AGT: variants seen among roughly 807,000 people sequenced by gnomAD.
AGT encodes angiotensinogen.
Under a neutral mutation model 28.1 loss-of-function variants are expected in AGT, and 26 were observed. The ratio of observed to expected loss-of-function variants is 0.92; its 90% confidence interval spans 0.68 to 1.28. The LOEUF is 1.28. AGT is among the 50% of genes most tolerant of loss of function. The probability of loss-of-function intolerance (pLI) is 0.00; values close to 1 mark genes in which losing one functional copy is unlikely to be tolerated. For missense variants in AGT, 596 were observed against 592.3 expected (o/e 1.01, Z -0.06); for synonymous variants, 259 against 259.6 (o/e 1.00, Z 0.02).
intron 1 of AGT, among the ~76,000 whole-genome samples, chr1:230,724,527 A>G (rs1018461880): frequency 6.6e-6 from 1 of 152,204 alleles, no homozygotes; most frequent in East Asian, 1.9e-4. Flanking sequence ...AAAACTGATT[A>G]AAAAGAATAT....
At chr1:230,717,738 T>G (rs181081751), upstream of AGT, among the ~76,000 whole-genome samples, 3 of 152,200 alleles carry the variant, frequency 2.0e-5, no homozygotes, top group African/African-American at 7.2e-5. Flanking sequence ...TTCCCAGCAT[T>G]TCTGGTCCTC....
intron 1 of AGT, among the ~76,000 whole-genome samples, chr1:230,713,849 G>A (rs1296028100): frequency 2.6e-5 from 4 of 152,274 alleles, no homozygotes; most frequent in African/African-American, 7.2e-5. Flanking sequence ...TTTTCTCAGC[G>A]GAAGCAGGAA....
Position 230,710,734 on chromosome 1 carries a change from G to A in AGT, c.90C>T (p.His30=), listed in dbSNP as rs376189338. 1.9e-6 allele frequency: 3 copies of A among 1,614,060 alleles called. No individual in the cohort carries two copies. The highest frequency in any genetic ancestry group is 3.3e-5 in the Admixed American group (2 of 60,006). Residue 30 remains histidine, a synonymous_variant, in exon 2 of 5, where the codon CAC becomes CAT. Transcript: ENST00000366667. ...GLAAGDRVYI[H]PFHLVIHNES... The stretch of plus-strand genomic sequence containing the variant: ...CATTGTGGATGACGAGGTGGAAGGG[G>A]TGTATGTACACCCGGTCACCTGCAG...
Position 230,706,201 on chromosome 1 carries a change from C to T in AGT, c.830-1G>A. 1 of 1,613,196 alleles carries T rather than the reference C, an allele frequency of 6.2e-7. No homozygotes were observed. Among genetic ancestry groups the T allele is most frequent in the East Asian group, 2.2e-5 (1 of 44,856 alleles). On this transcript the variant is annotated splice_acceptor_variant, in intron 2 of 4. Coordinates refer to ENST00000366667, the MANE Select transcript of AGT (RefSeq NM_001384479.1). LOFTEE classifies it high-confidence loss of function. ...AGCAGGGAGAAGCCCTTCATCTTCC[C>T]TGAAATCCAGACAGGAGACAGGGAG...
chr1:230,713,371 TG>T (rs1663648974), intron 1 of AGT, among the ~76,000 whole-genome samples: 1 of 152,166 alleles, frequency 6.6e-6, no homozygotes. Context: ...GTCACACAGC[TG>T]GGAAGAGACA....
At chr1:230,735,281 C>T (rs1664137824) in intron 1 of AGT, among the ~76,000 whole-genome samples, 1 of 152,188 alleles carries the variant, frequency 6.6e-6, no homozygotes, top group African/African-American at 2.4e-5. Flanking sequence ...AGTGCTGTTT[C>T]TCCTTCTTCC....
At chr1:230,716,489 C>T (rs1663740120), upstream of AGT, among the ~76,000 whole-genome samples, 1 of 152,234 alleles carries the variant, frequency 6.6e-6, no homozygotes, top group Admixed American at 6.5e-5. Flanking sequence ...CCACCCAAAT[C>T]TCCAATTGTA....
chr1:230,716,850 C>T (rs934336799), upstream of AGT, among the ~76,000 whole-genome samples: 2 of 151,848 alleles, frequency 1.3e-5, no homozygotes, highest in African/African-American at 2.4e-5. Flanking sequence ...AGGAAACCAG[C>T]CACATATGGA....
At chr1:230,728,799 CAT>C (rs1663999583) in intron 1 of AGT, among the ~76,000 whole-genome samples, 1 of 152,206 alleles carries the variant, frequency 6.6e-6, no homozygotes, top group African/African-American at 2.4e-5. Context: ...TCTTGCCTCA[CAT>C]CCTCTTTTAC....
intron 1 of AGT, among the ~76,000 whole-genome samples, chr1:230,739,624 T>C (rs756672629): frequency 3.3e-5 from 5 of 151,972 alleles, no homozygotes; most frequent in Non-Finnish European, 5.9e-5. Context: ...TTGCCCCCGA[T>C]AGGAAAATGA....
intron 1 of AGT, among the ~76,000 whole-genome samples, chr1:230,728,232 T>TATAGGAGTA (rs1663987344): frequency 6.6e-6 from 1 of 152,114 alleles, no homozygotes; most frequent in Non-Finnish European, 1.5e-5. Flanking sequence ...TGATGTTAAT[T>TATAGGAGTA]ATAGGAGTAA....
intron 1 of AGT, among the ~76,000 whole-genome samples, chr1:230,741,158 C>T (rs1233411776): frequency 6.6e-6 from 1 of 152,182 alleles, no homozygotes. Context: ...TATCATTCTT[C>T]AACAATGAAT....
At chr1:230,723,474 T>C (rs546383901) in intron 1 of AGT, among the ~76,000 whole-genome samples, 2 of 152,332 alleles carry the variant, frequency 1.3e-5, no homozygotes, top group African/African-American at 2.4e-5. Flanking sequence ...CTCTTTGTAA[T>C]AGGCTTTGCT....
At position 230,710,135 on chromosome 1, in the gene AGT, A is replaced by G; in HGVS notation, c.689T>C (p.Leu230Pro). 6.2e-7 allele frequency: 1 copy of G among 1,614,192 alleles called. No homozygotes were observed. The highest frequency in any genetic ancestry group is 8.5e-7 in the Non-Finnish European group (1 of 1,180,032). Residue 230 changes from leucine (L) to proline (P), a missense_variant, in exon 2 of 5, where the codon CTG becomes CCG. Leu to Pro is a moderately conservative substitution (Grantham distance 98, BLOSUM62 -3). Coordinates refer to ENST00000366667, the MANE Select transcript of AGT (RefSeq NM_001384479.1). ...AGCAACATCCAGTTCTGTGAAGTCC[A>G]GAGAGCGTGGGAGGACCACAGGGGT... The part of the protein sequence containing the change: ...LYTPVVLPRS[L>P]DFTELDVAAE...
chr1:230,724,290 G>A (rs751522306), intron 1 of AGT, among the ~76,000 whole-genome samples: 43 of 152,200 alleles, frequency 2.8e-4, no homozygotes, highest in Non-Finnish European at 4.6e-4. Context: ...TGACAGAGGA[G>A]TTAGCTATAG....
chr1:230,719,569 A>G (rs1446118057), intron 1 of AGT, among the ~76,000 whole-genome samples: 6 of 151,804 alleles, frequency 4.0e-5, no homozygotes, highest in Non-Finnish European at 5.9e-5. Context: ...CACCATGCCC[A>G]GCTAATTTTT....
At position 230,710,688 on chromosome 1, in the gene AGT, C is replaced by T; in HGVS notation, c.136G>A (p.Ala46Thr). ...TTGGGCTTCCCGGCATTGGCCTTTGCCAGCTGCTCACAGGTACTCTCATTG... is the reference window on the plus strand; with the variant it reads ...TTGGGCTTCCCGGCATTGGCCTTTGTCAGCTGCTCACAGGTACTCTCATTG... ...IHNESTCEQL[A>T]KANAGKPKDP... The change falls in exon 2 of 5, where the codon GCA (alanine) becomes ACA (threonine). Residue 46 changes from alanine to threonine, a missense_variant. Ala to Thr is a moderately conservative substitution (Grantham distance 58). Transcript: ENST00000366667. 6.2e-7 allele frequency: 1 copy of T among 1,614,160 alleles called. No homozygotes were observed. The highest frequency in any genetic ancestry group is 8.5e-7 in the Non-Finnish European group (1 of 1,180,022).
At position 230,710,773 on chromosome 1, in the gene AGT, G is replaced by A; in HGVS notation, c.51C>T (p.Ala17=). 1 of 1,614,212 alleles carries A rather than the reference G, an allele frequency of 6.2e-7. No individual in the cohort carries two copies. Among genetic ancestry groups the A allele is most frequent in the South Asian group, 1.1e-5 (1 of 91,082 alleles). ...SLRATILCLL[A]WAGLAAGDRV... ...GGTCACCTGCAGCCAGGCCAGCCCAGGCCAGGAGGCAGAGGATGGTGGCCC... is the reference window on the plus strand; with the variant it reads ...GGTCACCTGCAGCCAGGCCAGCCCAAGCCAGGAGGCAGAGGATGGTGGCCC... The change falls in exon 2 of 5, where the codon GCC becomes GCT. Residue 17 remains alanine, a synonymous_variant. Transcript: ENST00000366667.
chr1:230,737,098 A>G (rs774108304), intron 1 of AGT, among the ~76,000 whole-genome samples: 4 of 151,518 alleles, frequency 2.6e-5, no homozygotes, highest in Non-Finnish European at 4.4e-5. Context: ...CTGCTCCCCA[A>G]TCTCCCCTAG....
Sources: gnomAD v4.1 joint callset for allele counts (sites outside exome capture counted in the v4.1 genomes callset) on GRCh38, gnomAD v4.1.1 for gene constraint, MANE v1.5 for transcripts, NCBI Gene and HGNC (gene_info 2026-07-23, HGNC 2026-07-21) for gene names.